The following PXDNL variants were observed in gnomAD, a reference collection of about 807,000 sequenced individuals.
PXDNL encodes the protein peroxidasin like, also known as probable oxidoreductase PXDNL.
PXDNL carries 145 observed loss-of-function variants against 150.8 expected under a neutral mutation model. That is an observed-to-expected ratio of 0.96 (90% confidence interval 0.84 to 1.10). The LOEUF (loss-of-function observed/expected upper bound fraction) is 1.10. PXDNL is among the 50% of genes least tolerant of loss of function. PXDNL has a pLI of 0.00. For synonymous variants in PXDNL, 757 were observed against 725.7 expected, an observed-to-expected ratio of 1.04 and a Z score of -0.69; for missense variants, 2,087 against 1,873.9, an observed-to-expected ratio of 1.11 and a Z score of -2.10.
chr8:51,402,578 A>G (rs1808290491), intron 17 of PXDNL, among the ~76,000 whole-genome samples: 1 of 152,054 alleles, frequency 6.6e-6, no homozygotes, highest in South Asian at 2.1e-4. Flanking sequence ...TGAGTGACAA[A>G]TAAACTTATA....
intron 20 of PXDNL, among the ~76,000 whole-genome samples, chr8:51,345,189 C>T (rs1806110842): frequency 6.6e-6 from 1 of 152,196 alleles, no homozygotes; most frequent in Non-Finnish European, 1.5e-5. Flanking sequence ...TATGTACTGA[C>T]TCCTTATTCA....
At position 51,447,120 on chromosome 8, in the gene PXDNL, G is replaced by T; in HGVS notation, c.1409C>A (p.Ser470Tyr). The T allele has an allele frequency of 6.2e-7, 1 of 1,613,984 alleles. No homozygotes were observed. Among genetic ancestry groups the T allele is most frequent in the Admixed American group, 1.7e-5 (1 of 60,020 alleles). The change falls in exon 12 of 23, where the codon TCT becomes TAT. Residue 470 changes from serine to tyrosine, a missense_variant. Ser to Tyr is a moderately radical substitution (Grantham distance 144). Transcript: ENST00000356297. ...TGCACGGTCAATTCTCAAAGTGCCAGAGGAGAGAACTGTATGCTGGCCTTC... is the reference window on the plus strand; with the variant it reads ...TGCACGGTCAATTCTCAAAGTGCCATAGGAGAGAACTGTATGCTGGCCTTC... ...PVEGQHTVLS[S>Y]GTLRIDRAAQ...
intron 4 of PXDNL, among the ~76,000 whole-genome samples, chr8:51,508,812 G>A (rs11780225): frequency 0.12 from 19,022 of 152,224 alleles, 1,498 homozygotes; most frequent in African/African-American, 0.21. Flanking sequence ...CAAATCTGCA[G>A]TCCTGATTAG....
rs752593818 is a variant in PXDNL at position 51,320,037 on chromosome 8, G to T, written c.4261-15C>A. The T allele has an allele frequency of 6.9e-6, 10 of 1,449,740 alleles. No individual in the cohort carries two copies. The South Asian group carries it at 1.4e-4, about 21-fold the overall frequency. The allele number at this position is 1,449,740 out of a possible 1,614,324, so 89.8% of individuals were successfully genotyped here. ...ACCTGGCCACTCTGAAAGGCAGCAT[G>T]CACATATCACCTCCATGTTTCTTAT... On this transcript the variant is annotated splice_polypyrimidine_tract_variant and intron_variant, in intron 22 of 22. Transcript: ENST00000356297.
At position 51,319,980 on chromosome 8, in the gene PXDNL, G is replaced by T. The variant is rs1441501450; in HGVS notation, c.4303C>A (p.Pro1435Thr). ...TTCACCAATTCAGGACTGGGACAGG[G>T]AGCCGGGGGACAAATCTCCACCACA... is the stretch of plus-strand genomic sequence containing the variant. The part of the protein sequence containing the change: ...TCVVEICPPA[P>T]CPSPELVKGT... Residue 1435 changes from proline (P) to threonine (T), a missense_variant, in exon 23 of 23, where the codon CCC (proline) becomes ACC (threonine). Pro to Thr is a conservative substitution (Grantham distance 38). Coordinates refer to ENST00000356297, the MANE Select transcript of PXDNL (RefSeq NM_144651.5). The T allele has an allele frequency of 1.3e-6, 2 of 1,573,402 alleles. No individual in the cohort carries two copies. The highest frequency in any genetic ancestry group is 1.7e-6 in the Non-Finnish European group (2 of 1,160,258).
chr8:51,572,801 A>AAC (rs202137268), intron 3 of PXDNL, among the ~76,000 whole-genome samples: 1 of 151,788 alleles, frequency 6.6e-6, no homozygotes, highest in East Asian at 1.9e-4. Context: ...TTTTTTTAAA[A>AAC]ACACACACAC....
chr8:51,558,954 A>G (rs573648225), intron 3 of PXDNL, among the ~76,000 whole-genome samples: 68 of 152,098 alleles, frequency 4.5e-4, no homozygotes, highest in Middle Eastern at 3.4e-3. Context: ...CTTCCCCCCA[A>G]TGAGTTCTGG....
At chr8:51,807,548 C>T (rs1342082097) in intron 1 of PXDNL, among the ~76,000 whole-genome samples, 2 of 152,190 alleles carry the variant, frequency 1.3e-5, no homozygotes, top group African/African-American at 4.8e-5. Flanking sequence ...GATTAGGAAA[C>T]TGTGACACCA....
chr8:51,335,166 G>A (rs1354092848), intron 21 of PXDNL, among the ~76,000 whole-genome samples: 2 of 152,088 alleles, frequency 1.3e-5, no homozygotes, highest in African/African-American at 2.4e-5. Flanking sequence ...TATAGTGGCC[G>A]ACATAGTGAT....
At chr8:51,454,093 T>G (rs906692723) in intron 9 of PXDNL, among the ~76,000 whole-genome samples, 3 of 130,716 alleles carry the variant, frequency 2.3e-5, no homozygotes, top group Non-Finnish European at 5.3e-5. Flanking sequence ...TAAACATTCC[T>G]TCTTAAGAAT....
At chr8:51,803,664 C>T (rs918640373) in intron 1 of PXDNL, among the ~76,000 whole-genome samples, 2 of 152,204 alleles carry the variant, frequency 1.3e-5, no homozygotes, top group African/African-American at 4.8e-5. Flanking sequence ...TCCCAGCACA[C>T]TTTGGAGTTG....
At chr8:51,491,710 T>C (rs188064062) in intron 5 of PXDNL, among the ~76,000 whole-genome samples, 34 of 152,268 alleles carry the variant, frequency 2.2e-4, no homozygotes, top group Admixed American at 2.2e-3. Flanking sequence ...CTTTGAATCT[T>C]GGTGGTTTAT....
intron 1 of PXDNL, among the ~76,000 whole-genome samples, chr8:51,686,460 C>T (rs2130855793): frequency 6.6e-6 from 1 of 152,334 alleles, no homozygotes; most frequent in Admixed American, 6.5e-5. Context: ...TAGTGGTTCT[C>T]CTCCTGTTCC....
chr8:51,742,986 G>C (rs925002515), intron 1 of PXDNL, among the ~76,000 whole-genome samples: 1 of 152,176 alleles, frequency 6.6e-6, no homozygotes, highest in Non-Finnish European at 1.5e-5. Flanking sequence ...TGAAATATAA[G>C]TGGAACAATA....
rs1414786631 is a variant in PXDNL, at chr8:51,705,169, C to T, written c.165-50409G>A. Among the ~76,000 whole-genome samples, 4 of 152,214 alleles carry T rather than the reference C, an allele frequency of 2.6e-5. No individual in the cohort carries two copies. The East Asian group carries it at 7.7e-4, about 29-fold the overall frequency. ...GATTCTCAGGCATGGGGGGTCTCCA[C>T]ATAACTGAAGGGGGCCCTGGGCCAC... On this transcript the variant is annotated intron_variant, in intron 1 of 22. Transcript: ENST00000356297.
At chr8:51,626,853 A>T (rs1814370285) in intron 2 of PXDNL, among the ~76,000 whole-genome samples, 1 of 152,178 alleles carries the variant, frequency 6.6e-6, no homozygotes, top group Non-Finnish European at 1.5e-5. Flanking sequence ...TAAAAATGTA[A>T]GTGGTGAGTG....
intron 1 of PXDNL, among the ~76,000 whole-genome samples, chr8:51,748,963 A>G (rs2037014451): frequency 1.3e-5 from 2 of 152,230 alleles, no homozygotes; most frequent in Non-Finnish European, 2.9e-5. Flanking sequence ...GTCTCCTTCA[A>G]GTTCCTTAGA....
chr8:51,366,850 C>A (rs1287430178), intron 19 of PXDNL, among the ~76,000 whole-genome samples: 1 of 152,018 alleles, frequency 6.6e-6, no homozygotes, highest in African/African-American at 2.4e-5. Flanking sequence ...CACCTGTAAT[C>A]CCAGCACTTT....
intron 1 of PXDNL, among the ~76,000 whole-genome samples, chr8:51,745,206 C>T (rs113451099): frequency 2.0e-5 from 3 of 151,914 alleles, no homozygotes; most frequent in African/African-American, 4.8e-5. Context: ...AATATAAAAC[C>T]GGCTCTAGAT....
Sources: gnomAD v4.1 joint callset for allele counts (sites outside exome capture counted in the v4.1 genomes callset) on GRCh38, gnomAD v4.1.1 for gene constraint, MANE v1.5 for transcripts, NCBI Gene and HGNC (gene_info 2026-07-23, HGNC 2026-07-21) for gene names.